The following FAM117B variants were observed in gnomAD, a reference collection of about 807,000 sequenced individuals.
The protein encoded by FAM117B is family with sequence similarity 117 member B, also known as protein FAM117B.
Under a neutral mutation model 52.8 loss-of-function variants are expected in FAM117B, and 22 were observed. That is an observed-to-expected ratio of 0.42 (90% CI 0.30 to 0.59). FAM117B has a LOEUF of 0.59. Ranked by LOEUF, FAM117B falls within the 20% of genes least tolerant of loss-of-function variation. FAM117B has a pLI of 0.22. For missense variants in FAM117B, 678 were observed against 802.6 expected (o/e 0.84, Z 1.88); for synonymous variants, 309 against 324.1 (o/e 0.95, Z 0.50).
At position 202,755,547 on chromosome 2, in the gene FAM117B, C is replaced by G; in HGVS notation, c.970C>G (p.Pro324Ala). The change falls in exon 5 of 8, where the codon CCA (proline) becomes GCA (alanine). Residue 324 changes from proline to alanine, a missense_variant. Physicochemically the swap from Pro to Ala is conservative, Grantham distance 27. Transcript: ENST00000392238. ...ATCCCATTTTCTTAAGGCTCCTGTT[C>G]CAAAGAGTGCACTTATTCCTGTAAT... ...AAINQCQAPV[P>A]KSALIPVIPI... 1.2e-6 allele frequency: 2 copies of G among 1,613,876 alleles called. No individual in the cohort carries two copies. Among genetic ancestry groups the G allele is most frequent in the South Asian group, 1.1e-5 (1 of 91,004 alleles).
intron 4 of FAM117B, among the ~76,000 whole-genome samples, chr2:202,730,836 TTAGGCAATGGC>T (rs1559111514): frequency 6.6e-6 from 1 of 152,156 alleles, no homozygotes; most frequent in Non-Finnish European, 1.5e-5. Context: ...TGACATTGCG[TTAGGCAATGGC>T]TTCTTAGAAA....
At chr2:202,713,492 ATTG>A (rs1336834064) in intron 2 of FAM117B, among the ~76,000 whole-genome samples, 1 of 151,492 alleles carries the variant, frequency 6.6e-6, no homozygotes, top group African/African-American at 2.4e-5. Flanking sequence ...GATCTTTTGT[ATTG>A]TTGTCTTCAT....
chr2:202,637,233 T>A (rs1202511632), intron 1 of FAM117B, among the ~76,000 whole-genome samples: 1 of 151,802 alleles, frequency 6.6e-6, no homozygotes, highest in Non-Finnish European at 1.5e-5. Flanking sequence ...GAGCACTGTT[T>A]TATTTATGTA....
chr2:202,642,864 G>A (rs1262886940), intron 1 of FAM117B, among the ~76,000 whole-genome samples: 2 of 152,184 alleles, frequency 1.3e-5, no homozygotes, highest in Admixed American at 6.5e-5. Context: ...GCATTTTTAA[G>A]GGTAGAAAGA....
chr2:202,742,682 A>AT (rs970806161), intron 4 of FAM117B, among the ~76,000 whole-genome samples: 2 of 152,226 alleles, frequency 1.3e-5, no homozygotes, highest in Non-Finnish European at 2.9e-5. Context: ...TTATATAAAC[A>AT]TTTTTGTATG....
Position 202,677,192 on chromosome 2 carries a change from C to T in FAM117B, c.602-18689C>T, listed in dbSNP as rs181759589. 8.9e-3 allele frequency among the ~76,000 whole-genome samples: 1,356 copies of T among 152,026 alleles called. 27 individuals are homozygous for T. Among genetic ancestry groups the T allele is most frequent in the Admixed American group, 0.042 (640 of 15,260 alleles). The stretch of plus-strand genomic sequence containing the variant: ...AAGTGATTCTCCTGCCTCAGCCTCC[C>T]GAGTAGCTGGGATTACAGGCACGCA... On this transcript the variant is annotated intron_variant, in intron 1 of 7. Transcript: ENST00000392238.
intron 1 of FAM117B, among the ~76,000 whole-genome samples, chr2:202,652,924 A>G (rs930996282): frequency 4.6e-5 from 7 of 152,174 alleles, no homozygotes; most frequent in African/African-American, 1.7e-4. Flanking sequence ...GTGAGACTCA[A>G]TACAAATTTT....
intron 1 of FAM117B, among the ~76,000 whole-genome samples, chr2:202,691,088 A>G (rs1174566868): frequency 6.6e-6 from 1 of 152,164 alleles, no homozygotes; most frequent in Non-Finnish European, 1.5e-5. Context: ...TTTTACATGT[A>G]TAACTCATCT....
At position 202,746,959 on chromosome 2, in the gene FAM117B, AAAAC is replaced by A. The variant is rs771476667; in HGVS notation, c.961-8575_961-8572del. Among the ~76,000 whole-genome samples, 619 of 108,070 alleles carry A rather than the reference AAAAC, an allele frequency of 5.7e-3. 7 individuals carry two copies. The highest frequency in any genetic ancestry group is 8.3e-3 in the Non-Finnish European group (374 of 45,068). 70.9% of individuals were successfully genotyped at this position (108,070 alleles called of 152,430 possible). A position where few individuals can be genotyped will look rare whatever the true frequency, so the allele number is the denominator to read the frequency against. ...AACAGCCACCACCGGAAAAAAAAACAAAACAAAAAAAAACACAAAAACCCACTAT... is the reference window on the plus strand; with the variant it reads ...AACAGCCACCACCGGAAAAAAAAACAAAAAAAAAACACAAAAACCCACTAT... On this transcript the variant is annotated intron_variant, in intron 4 of 7. Transcript: ENST00000392238.
At chr2:202,641,880 C>G (rs905018599) in intron 1 of FAM117B, among the ~76,000 whole-genome samples, 5 of 151,710 alleles carry the variant, frequency 3.3e-5, no homozygotes, top group Non-Finnish European at 7.4e-5. Flanking sequence ...CTCAGGCGGT[C>G]CATCCGCCTC....
rs954714646 is a variant in FAM117B at position 202,696,182 on chromosome 2, C to T, written c.753+150C>T. On this transcript the variant is annotated intron_variant, in intron 2 of 7. Coordinates refer to ENST00000392238, the MANE Select transcript of FAM117B (RefSeq NM_173511.4). The stretch of plus-strand genomic sequence containing the variant: ...CAAAAAGAGCAGATTCCAAGCCTGA[C>T]CTCCAGGTATTCTGTAGTCGGTTTT... The T allele has an allele frequency of 1.3e-5, 11 of 836,946 alleles. No individual in the cohort carries two copies. In the African/African-American group the frequency reaches 1.9e-4, roughly 15 times the overall value. The allele number at this position is 836,946 out of a possible 1,614,324, so 51.8% of individuals were successfully genotyped here.
intron 1 of FAM117B, among the ~76,000 whole-genome samples, chr2:202,645,042 T>C (rs997735942): frequency 9.2e-5 from 14 of 152,212 alleles, no homozygotes; most frequent in African/African-American, 3.1e-4. Flanking sequence ...CTAGTTGTGG[T>C]ATATCTTGGA....
rs1010269048 is a variant in FAM117B at position 202,650,687 on chromosome 2, G to T, written c.601+14899G>T. ...CAGTCTGTGGCAAAGGCCTGAGAGC[G>T]CCTGGCAATCCACTGGTGTAAATCC... On this transcript the variant is annotated intron_variant, in intron 1 of 7. Transcript: ENST00000392238. Among the ~76,000 whole-genome samples the T allele has an allele frequency of 2.6e-5, 4 of 152,274 alleles. No individual in the cohort carries two copies. In the East Asian group the frequency reaches 7.7e-4, roughly 29 times the overall value.
At position 202,767,849 on chromosome 2, in the gene FAM117B, G is replaced by A. The variant is rs1335877435; in HGVS notation, c.*2085G>A. The A allele has an allele frequency of 6.6e-6, 1 of 152,170 alleles. No individual in the cohort carries two copies. Among genetic ancestry groups the A allele is most frequent in the East Asian group, 1.9e-4 (1 of 5,198 alleles). 9.4% of individuals were successfully genotyped at this position (152,170 alleles called of 1,614,324 possible). On this transcript the variant is annotated 3_prime_UTR_variant, in exon 8 of 8. Coordinates refer to ENST00000392238, the MANE Select transcript of FAM117B (RefSeq NM_173511.4). The stretch of plus-strand genomic sequence containing the variant: ...TAGATGGTGGGATTGATGAACTTTG[G>A]TACTTTCTCAATCCAAAACTAATTT...
intron 1 of FAM117B, among the ~76,000 whole-genome samples, chr2:202,644,567 C>T (rs1689832429): frequency 6.6e-6 from 1 of 152,166 alleles, no homozygotes; most frequent in Non-Finnish European, 1.5e-5. Context: ...GTTTTGGATA[C>T]TCTAATTTCT....
intron 2 of FAM117B, among the ~76,000 whole-genome samples, chr2:202,715,326 G>A (rs576036365): frequency 2.0e-5 from 3 of 151,814 alleles, no homozygotes; most frequent in East Asian, 2.0e-4. Context: ...CCTCCCGGAC[G>A]GGGTGGCTGC....
intron 1 of FAM117B, among the ~76,000 whole-genome samples, chr2:202,644,938 C>G (rs1258953637): frequency 6.6e-6 from 1 of 151,858 alleles, no homozygotes; most frequent in South Asian, 2.1e-4. Flanking sequence ...ACTCTGTGGG[C>G]TTTTTCAGTC....
chr2:202,720,897 G>A (rs1290478578), intron 2 of FAM117B, among the ~76,000 whole-genome samples: 1 of 152,190 alleles, frequency 6.6e-6, no homozygotes, highest in Non-Finnish European at 1.5e-5. Flanking sequence ...TTCCATTGAT[G>A]ATCCTTGCCT....
chr2:202,667,446 ATGTGTGTC>A (rs573659654), intron 1 of FAM117B, among the ~76,000 whole-genome samples: 59 of 151,474 alleles, frequency 3.9e-4, no homozygotes, highest in African/African-American at 6.1e-4. Context: ...AGCTTTGTGT[ATGTGTGTC>A]TGTGTGTCTG....
Sources: allele counts gnomAD v4.1 joint callset (sites outside exome capture counted in the v4.1 genomes callset), GRCh38; gene constraint gnomAD v4.1.1; transcripts MANE v1.5; gene names NCBI Gene and HGNC (gene_info 2026-07-23, HGNC 2026-07-21).